GLB1L3: variants seen among roughly 807,000 people sequenced by gnomAD.
GLB1L3 encodes galactosidase beta 1 like 3.
Under a neutral mutation model 89.5 loss-of-function variants are expected in GLB1L3, and 89 were observed. That is an observed-to-expected ratio of 0.99 (90% confidence interval 0.84 to 1.19). GLB1L3 has a LOEUF of 1.19. Among genes scored for constraint, GLB1L3 ranks in the 50% most tolerant of loss-of-function variants. The pLI is 0.00. For missense variants in GLB1L3, 812 were observed against 813.3 expected (o/e 1.00, Z 0.02); for synonymous variants, 314 against 312.3 (o/e 1.01, Z -0.06).
At position 134,310,580 on chromosome 11, in the gene GLB1L3, C is replaced by T; in HGVS notation, c.1109C>T (p.Ala370Val). Reference sequence around the variant, plus strand: ...CCCTGGTGTCTTGCAGACTATGATGCAGTGCTCACGGAGGCTGGAGATTAC... The same window carrying T: ...CCCTGGTGTCTTGCAGACTATGATGTAGTGCTCACGGAGGCTGGAGATTAC... ...SGIVTSYDYD[A>V]VLTEAGDYTE... The change falls in exon 12 of 20, where the codon GCA (alanine) becomes GTA (valine). Residue 370 changes from alanine (A) to valine (V), a missense_variant. Physicochemically the swap from Ala to Val is moderately conservative, Grantham distance 64. Around this residue, in one of 3 missense-constraint regions of GLB1L3, gnomAD observed 618 missense variants for 604.0 expected, o/e 1.02. Coordinates refer to ENST00000431683, the MANE Select transcript of GLB1L3 (RefSeq NM_001080407.3). 6.2e-7 allele frequency: 1 copy of T among 1,612,350 alleles called. No homozygotes were observed. Among genetic ancestry groups the T allele is most frequent in the Non-Finnish European group, 8.5e-7 (1 of 1,178,938 alleles).
chr11:134,324,024 T>C (rs76096035), downstream of GLB1L3, among the ~76,000 whole-genome samples: 139 of 152,376 alleles, frequency 9.1e-4, 2 homozygotes, highest in East Asian at 0.025. Context: ...AAGCCACTTA[T>C]GGCCTTAGCC....
At chr11:134,302,439 C>A (rs1178281719) in intron 9 of GLB1L3, among the ~76,000 whole-genome samples, 1 of 152,140 alleles carries the variant, frequency 6.6e-6, no homozygotes, top group Non-Finnish European at 1.5e-5. Flanking sequence ...TTGATAACAA[C>A]ATTCACAATT....
intron 12 of GLB1L3, 155 bp from the exon 13 acceptor site, chr11:134,310,909 G>A (rs554811767): frequency 2.1e-5 from 14 of 664,660 alleles, no homozygotes; most frequent in Middle Eastern, 3.0e-4. Flanking sequence ...TGATGACTGC[G>A]AAGATTGAGT....
In GLB1L3 at chr11:134,313,401, C is replaced by T; in HGVS notation, c.1506C>T (p.Cys502=). The T allele has an allele frequency of 6.3e-7, 1 of 1,578,900 alleles. No individual in the cohort carries two copies. Among genetic ancestry groups the T allele is most frequent in the South Asian group, 1.2e-5 (1 of 85,830 alleles). Reference sequence around the variant, plus strand: ...GACCTGGCCTGTCCCAGCAGGACTGCCGATACCTGAGGATCCTGGTGGAGA... The same window carrying T: ...GACCTGGCCTGTCCCAGCAGGACTGTCGATACCTGAGGATCCTGGTGGAGA... The part of the protein sequence containing the change: ...KDLHIPELRD[C]RYLRILVENQ... Residue 502 remains cysteine, a synonymous_variant, in exon 16 of 20, where the codon TGC becomes TGT. Coordinates refer to ENST00000431683, the MANE Select transcript of GLB1L3 (RefSeq NM_001080407.3).
At chr11:134,293,303 A>G in intron 9 of GLB1L3, 94 bp downstream of exon 9, 1 of 1,061,534 alleles carries the variant, frequency 9.4e-7, no homozygotes, top group Non-Finnish European at 1.4e-6. Context: ...AGGTTTGACA[A>G]GAAGACCGCA....
At chr11:134,302,802 G>A (rs769283782) in intron 9 of GLB1L3, among the ~76,000 whole-genome samples, 3 of 152,014 alleles carry the variant, frequency 2.0e-5, no homozygotes, top group African/African-American at 7.2e-5. Flanking sequence ...TGTATTTTGC[G>A]GTACTGGGTG....
At chr11:134,307,399 CAG>C (rs761977341) in intron 10 of GLB1L3, among the ~76,000 whole-genome samples, 191 bp downstream of exon 10, 1 of 152,174 alleles carries the variant, frequency 6.6e-6, no homozygotes, top group South Asian at 2.1e-4. Flanking sequence ...CCACCCCCAA[CAG>C]AGTATAAGTT....
At chr11:134,308,443 C>T (rs1156804918) in intron 10 of GLB1L3, among the ~76,000 whole-genome samples, 978 of 51,882 alleles carry the variant, frequency 0.019, 31 homozygotes, top group African/African-American at 0.025. Flanking sequence ...ACCACCACCA[C>T]CATCACCACC....
intron 9 of GLB1L3, among the ~76,000 whole-genome samples, chr11:134,297,610 C>A (rs1941717588): frequency 6.6e-6 from 1 of 151,938 alleles, no homozygotes; most frequent in South Asian, 2.1e-4. Context: ...CCTGTAATCC[C>A]AGCACTTTGG....
intron 9 of GLB1L3, among the ~76,000 whole-genome samples, chr11:134,296,191 A>G (rs1941628417): frequency 6.7e-6 from 1 of 150,302 alleles, no homozygotes; most frequent in Non-Finnish European, 1.5e-5. Context: ...GTCAGGAAAC[A>G]ACAGGTGCTG....
downstream of GLB1L3, among the ~76,000 whole-genome samples, chr11:134,321,695 C>T (rs1943171572): frequency 6.6e-6 from 1 of 152,074 alleles, no homozygotes; most frequent in African/African-American, 2.4e-5. Context: ...TGCATGTTCT[C>T]ACTCATAGGT....
intron 8 of GLB1L3, 172 bp downstream of exon 8, chr11:134,292,385 C>T (rs928144611): frequency 1.8e-6 from 1 of 548,498 alleles, no homozygotes; most frequent in Non-Finnish European, 3.3e-6. Flanking sequence ...GGTTAAGGCT[C>T]AGGGCCACTC....
rs550705707 is a variant in GLB1L3 at position 134,288,974 on chromosome 11, G to C, written c.729+84G>C. The C allele has an allele frequency of 6.5e-6, 6 of 927,600 alleles. No individual in the cohort carries two copies. The African/African-American group carries it at 8.2e-5, about 13-fold the overall frequency. 57.5% of individuals were successfully genotyped at this position (927,600 alleles called of 1,614,324 possible). A position where few individuals can be genotyped will look rare whatever the true frequency, so the allele number is the denominator to read the frequency against. ...CTGATTCCTGGATGCATGAGTGATC[G>C]GGCTGGACACTGTGCATTCTGAGAA... is the stretch of plus-strand genomic sequence containing the variant. On this transcript the variant is annotated intron_variant, in intron 7 of 19. Coordinates refer to ENST00000431683, the MANE Select transcript of GLB1L3 (RefSeq NM_001080407.3).
intron 7 of GLB1L3, among the ~76,000 whole-genome samples, chr11:134,291,270 A>C (rs931673866): frequency 1.4e-5 from 2 of 143,056 alleles, no homozygotes; most frequent in African/African-American, 5.2e-5. Context: ...ATCCTCCCAT[A>C]TGCTTTTTTT....
Position 134,281,462 on chromosome 11 carries a change from C to G in GLB1L3, c.431+17C>G. On this transcript the variant is annotated intron_variant, in intron 4 of 19. Coordinates refer to ENST00000431683, the MANE Select transcript of GLB1L3 (RefSeq NM_001080407.3). ...GGACCTGGAGTATGTGGTGTTGCTG[C>G]TTCTGTGCCCTGGTCAGGGGCAGGG... 6.4e-7 allele frequency: 1 copy of G among 1,574,608 alleles called. No homozygotes were observed.
At chr11:134,299,622 T>C (rs563132278) in intron 9 of GLB1L3, among the ~76,000 whole-genome samples, 1 of 152,322 alleles carries the variant, frequency 6.6e-6, no homozygotes, top group Admixed American at 6.5e-5. Context: ...CCTCTGAGTC[T>C]CGCCTTTGCA....
At chr11:134,323,915 T>C (rs762368031), downstream of GLB1L3, among the ~76,000 whole-genome samples, 16 of 152,188 alleles carry the variant, frequency 1.1e-4, no homozygotes, top group Non-Finnish European at 2.4e-4. Flanking sequence ...GTGTACTCTG[T>C]TTTTGGTTGA....
At chr11:134,318,110 C>G (rs1393088615) in intron 18 of GLB1L3, among the ~76,000 whole-genome samples, 1 of 152,078 alleles carries the variant, frequency 6.6e-6, no homozygotes, top group Non-Finnish European at 1.5e-5. Flanking sequence ...AACCTTTGCC[C>G]TTTAATTTGA....
At chr11:134,292,351 A>C in intron 8 of GLB1L3, 138 bp downstream of exon 8, 1 of 619,142 alleles carries the variant, frequency 1.6e-6, no homozygotes, top group East Asian at 2.8e-5. Context: ...CTGGAGTTCG[A>C]TGTTACAATA....
Sources: gnomAD v4.1 joint callset for allele counts (sites outside exome capture counted in the v4.1 genomes callset) on GRCh38, gnomAD v4.1.1 for gene constraint, gnomAD v4.1.1 regional missense constraint, MANE v1.5 for transcripts, NCBI Gene and HGNC (gene_info 2026-07-23, HGNC 2026-07-21) for gene names.